Variants in TMEM87A observed in about 807,000 individuals in gnomAD.
TMEM87A encodes Golgi-pH regulating cation channel.
TMEM87A carries 50 observed loss-of-function variants against 90.0 expected under a neutral mutation model. The ratio of observed to expected loss-of-function variants is 0.56; its 90% confidence interval spans 0.44 to 0.70. The LOEUF (loss-of-function observed/expected upper bound fraction) is 0.70, where lower values mean the gene tolerates loss of function less well. Ranked by LOEUF, TMEM87A falls within the 30% of genes least tolerant of loss-of-function variation. TMEM87A has a pLI of 0.00. For missense variants in TMEM87A, 577 were observed against 660.5 expected (o/e 0.87, Z 1.39); for synonymous variants, 226 against 226.7 (o/e 1.00, Z 0.03).
At chr15:42,264,823 A>G (rs1438429537) in intron 3 of TMEM87A, among the ~76,000 whole-genome samples, 1 of 151,796 alleles carries the variant, frequency 6.6e-6, no homozygotes, top group Non-Finnish European at 1.5e-5. Flanking sequence ...CTAGTACTCA[A>G]GAGTTATTTT....
At chr15:42,260,453 G>A (rs1011028244) in intron 6 of TMEM87A, among the ~76,000 whole-genome samples, 13 of 152,122 alleles carry the variant, frequency 8.5e-5, no homozygotes, top group African/African-American at 2.7e-4. Context: ...ACTTTAATCA[G>A]CTTTGTAAAA....
chr15:42,249,194 G>C (rs967382486), intron 6 of TMEM87A, among the ~76,000 whole-genome samples: 2 of 151,986 alleles, frequency 1.3e-5, no homozygotes, highest in Non-Finnish European at 2.9e-5. Flanking sequence ...TATTAGTCTT[G>C]CTAGAGGTCT....
At chr15:42,243,261 C>G (rs1475576265) in intron 7 of TMEM87A, among the ~76,000 whole-genome samples, 1 of 148,190 alleles carries the variant, frequency 6.7e-6, no homozygotes, top group African/African-American at 2.5e-5. Flanking sequence ...GAGTGAGATT[C>G]CATCTCAAAA....
chr15:42,237,490 C>T lies in TMEM87A; in HGVS notation c.810G>A (p.Met270Ile). The change falls in exon 9 of 20, where the codon ATG (methionine) becomes ATA (isoleucine). Residue 270 changes from methionine to isoleucine, a missense_variant. Coordinates refer to ENST00000389834, the MANE Select transcript of TMEM87A (RefSeq NM_015497.5). ...FWIGAVIFLG[M>I]LEKAVFYAEF... ...CCGCATAGAAGACAGCTTTCTCAAG[C>T]ATTCCCAGGAAGATGACAGCACCAA... 3.1e-6 allele frequency: 5 copies of T among 1,614,140 alleles called. No homozygotes were observed. The highest frequency in any genetic ancestry group is 4.2e-6 in the Non-Finnish European group (5 of 1,180,032).
chr15:42,251,311 G>A (rs536449090), intron 6 of TMEM87A, among the ~76,000 whole-genome samples: 5 of 152,316 alleles, frequency 3.3e-5, no homozygotes, highest in African/African-American at 1.2e-4. Context: ...TCCTTTGGAG[G>A]AGAAGAGATG....
chr15:42,252,773 G>A (rs2051109390), intron 6 of TMEM87A, among the ~76,000 whole-genome samples: 1 of 151,768 alleles, frequency 6.6e-6, no homozygotes, highest in Non-Finnish European at 1.5e-5. Flanking sequence ...CTTTGGTCTG[G>A]TAAGTCTAAT....
intron 14 of TMEM87A, among the ~76,000 whole-genome samples, chr15:42,227,326 C>T (rs1049602336): frequency 6.6e-6 from 1 of 152,174 alleles, no homozygotes; most frequent in African/African-American, 2.4e-5. Context: ...CCTACTGTCA[C>T]AGTCGTTGAG....
chr15:42,219,146 T>A (rs183894651), intron 17 of TMEM87A, among the ~76,000 whole-genome samples: 26 of 152,326 alleles, frequency 1.7e-4, no homozygotes, highest in African/African-American at 6.0e-4. Flanking sequence ...TCATTTGCAT[T>A]TCCCTGAGGA....
intron 10 of TMEM87A, among the ~76,000 whole-genome samples, chr15:42,233,875 C>A (rs2050728689): frequency 6.6e-6 from 1 of 151,950 alleles, no homozygotes; most frequent in South Asian, 2.1e-4. Context: ...GCTCAAGCAA[C>A]CCTCCCACCT....
chr15:42,249,461 C>T (rs1172587936), intron 6 of TMEM87A, among the ~76,000 whole-genome samples: 4 of 152,178 alleles, frequency 2.6e-5, no homozygotes, highest in African/African-American at 9.7e-5. Flanking sequence ...AAATGTGTCC[C>T]AGAGATTCTG....
chr15:42,253,930 G>A, intron 6 of TMEM87A, among the ~76,000 whole-genome samples: 1 of 152,150 alleles, frequency 6.6e-6, no homozygotes, highest in East Asian at 1.9e-4. Context: ...ACATTTCCAA[G>A]GGAAATATTA....
rs1273823120 is a variant in TMEM87A, at chr15:42,237,373, AT to A, written c.868+58del. The A allele has an allele frequency of 4.5e-6, 7 of 1,559,940 alleles. No individual in the cohort carries two copies. In the East Asian group the frequency reaches 9.0e-5, roughly 20 times the overall value. ...TGTAGTGACTGCTGACCTTAGGAAT[AT>A]TTTCATACATCTCACCTTCCAACCA... On this transcript the variant is annotated intron_variant, in intron 9 of 19. Transcript: ENST00000389834.
intron 7 of TMEM87A, among the ~76,000 whole-genome samples, chr15:42,242,541 G>A (rs1185278938): frequency 3.3e-5 from 5 of 151,654 alleles, no homozygotes; most frequent in African/African-American, 1.2e-4. Flanking sequence ...GAGAGAGGGA[G>A]AGGGAGGGAG....
intron 14 of TMEM87A, among the ~76,000 whole-genome samples, chr15:42,227,397 A>G (rs958181915): frequency 1.3e-5 from 2 of 152,188 alleles, no homozygotes; most frequent in African/African-American, 4.8e-5. Flanking sequence ...ATGGTACTTA[A>G]TATTTAGTAC....
intron 15 of TMEM87A, 65 bp from the exon 16 acceptor site, chr15:42,220,200 C>T: frequency 7.4e-6 from 9 of 1,221,690 alleles, no homozygotes; most frequent in Non-Finnish European, 8.2e-6. Context: ...ATACCAGTTG[C>T]ATTTTACAAA....
At chr15:42,270,125 T>G (rs911554488) in intron 2 of TMEM87A, among the ~76,000 whole-genome samples, 2 of 152,062 alleles carry the variant, frequency 1.3e-5, no homozygotes, top group African/African-American at 4.8e-5. Flanking sequence ...ATCCCAGAAC[T>G]GTGGGAGGCC....
chr15:42,226,820 A>G lies in TMEM87A; in HGVS notation c.1389T>C (p.Ser463=). The G allele has an allele frequency of 6.2e-7, 1 of 1,614,090 alleles. No homozygotes were observed. The highest frequency in any genetic ancestry group is 8.5e-7 in the Non-Finnish European group (1 of 1,179,992). ...AGTCCAAGAACCTCTGGTTGTTTGCAGATGGTCGCCAGAGAACCATGATGA... is the reference window on the plus strand; with the variant it reads ...AGTCCAAGAACCTCTGGTTGTTTGCGGATGGTCGCCAGAGAACCATGATGA... ...LFVIMVLWRP[S]ANNQRFAFSP... The change falls in exon 15 of 20, where the codon TCT becomes TCC. Residue 463 remains serine, a synonymous_variant. Transcript: ENST00000389834.
chr15:42,226,862 G>A lies in TMEM87A; in HGVS notation c.1347C>T (p.Phe449=), dbSNP rs1182098626. The A allele has an allele frequency of 2.5e-6, 4 of 1,614,022 alleles. No homozygotes were observed. The South Asian group carries it at 3.3e-5, about 13-fold the overall frequency. ...WVDDAIWRLL[F]SMILFVIMVL... ...CCATGATGACAAAGAGGATCATGGA[G>A]AACAGCAAGCGCCAGATGGCATCGT... The change falls in exon 15 of 20, where the codon TTC becomes TTT. Residue 449 remains phenylalanine (F), a synonymous_variant. Coordinates refer to ENST00000389834, the MANE Select transcript of TMEM87A (RefSeq NM_015497.5).
At chr15:42,272,842 A>C (rs2051569179) in intron 1 of TMEM87A, 7 of 428,762 alleles carry the variant, frequency 1.6e-5, no homozygotes, top group Non-Finnish European at 4.6e-6. Context: ...GGGACCAAGA[A>C]GTGCAGAGGA....
Sources: allele counts gnomAD v4.1 joint callset (sites outside exome capture counted in the v4.1 genomes callset), GRCh38; gene constraint gnomAD v4.1.1; transcripts MANE v1.5; gene names NCBI Gene and HGNC (gene_info 2026-07-23, HGNC 2026-07-21).